The following PPP2R5A variants were observed in gnomAD, a reference collection of about 807,000 sequenced individuals.
PPP2R5A encodes protein phosphatase 2 regulatory subunit B'alpha.
In PPP2R5A, 25 loss-of-function variants were observed where a neutral mutation model predicts 64.2. The ratio of observed to expected loss-of-function variants is 0.39; its 90% CI spans 0.28 to 0.54. The LOEUF (loss-of-function observed/expected upper bound fraction) is 0.54. Among genes scored for constraint, PPP2R5A ranks in the 20% least tolerant of loss-of-function variants. The pLI is 0.67. For missense variants in PPP2R5A, 425 were observed against 576.3 expected, an observed-to-expected ratio of 0.74 and a Z score of 2.69; for synonymous variants, 198 against 201.2, an observed-to-expected ratio of 0.98 and a Z score of 0.13.
At chr1:212,332,405 G>A (rs1311252508) in intron 2 of PPP2R5A, among the ~76,000 whole-genome samples, 1 of 151,990 alleles carries the variant, frequency 6.6e-6, no homozygotes, top group African/African-American at 2.4e-5. Context: ...CTGTCAGTCT[G>A]TTCATTATTC....
At chr1:212,358,606 A>T in intron 11 of PPP2R5A, 80 bp from the exon 12 acceptor site, 1 of 1,029,478 alleles carries the variant, frequency 9.7e-7, no homozygotes, top group South Asian at 1.5e-5. Flanking sequence ...CCAAGCTTTA[A>T]CCCATTTTAG....
chr1:212,288,378 A>G (rs1217119770), intron 1 of PPP2R5A, among the ~76,000 whole-genome samples: 1 of 152,184 alleles, frequency 6.6e-6, no homozygotes, highest in Non-Finnish European at 1.5e-5. Flanking sequence ...AAGTTATATG[A>G]TGTAGGGTTC....
chr1:212,303,750 G>T (rs12128965), intron 1 of PPP2R5A, among the ~76,000 whole-genome samples: 23,440 of 151,896 alleles, frequency 0.15, 2,497 homozygotes, highest in East Asian at 0.36. Flanking sequence ...TCATTATTTT[G>T]TGTGTAGTTA....
At chr1:212,316,613 T>A (rs955258331) in intron 1 of PPP2R5A, among the ~76,000 whole-genome samples, 1 of 138,850 alleles carries the variant, frequency 7.2e-6, no homozygotes, top group African/African-American at 2.9e-5. Flanking sequence ...TTTTTTTTTT[T>A]AATCTGAAAG....
chr1:212,351,049 C>T (rs1191058442), intron 8 of PPP2R5A, among the ~76,000 whole-genome samples: 3 of 147,734 alleles, frequency 2.0e-5, no homozygotes, highest in East Asian at 2.0e-4. Flanking sequence ...GAGGCCGAGG[C>T]ACAAGAATCA....
intron 1 of PPP2R5A, among the ~76,000 whole-genome samples, chr1:212,320,258 G>A (rs1301948288): frequency 6.6e-6 from 1 of 152,114 alleles, no homozygotes; most frequent in African/African-American, 2.4e-5. Flanking sequence ...GCACAGGGTT[G>A]GGGGTAAGGT....
At chr1:212,336,660 A>G (rs944989199) in intron 3 of PPP2R5A, among the ~76,000 whole-genome samples, 8 of 152,352 alleles carry the variant, frequency 5.3e-5, no homozygotes, top group East Asian at 1.9e-4. Context: ...GGATTTGTCA[A>G]TATATTGTAG....
At chr1:212,286,632 C>G (rs73080566) in intron 1 of PPP2R5A, among the ~76,000 whole-genome samples, 13,981 of 152,222 alleles carry the variant, frequency 0.092, 2,109 homozygotes, top group African/African-American at 0.31. Flanking sequence ...TTTGCCCTTT[C>G]CCGGTCTTGC....
chr1:212,338,463 T>C (rs748855392), intron 3 of PPP2R5A, among the ~76,000 whole-genome samples: 32 of 152,102 alleles, frequency 2.1e-4, no homozygotes, highest in Non-Finnish European at 4.3e-4. Flanking sequence ...TAGAAGACCA[T>C]AGAAGGCTGG....
At chr1:212,340,704 G>C (rs1411976844) in intron 3 of PPP2R5A, among the ~76,000 whole-genome samples, 1 of 152,166 alleles carries the variant, frequency 6.6e-6, no homozygotes, top group Non-Finnish European at 1.5e-5. Flanking sequence ...CATTAGACCA[G>C]ATAAGCATCA....
chr1:212,329,131 A>G lies in PPP2R5A; in HGVS notation c.182-4A>G. On this transcript the variant is annotated splice_region_variant and splice_polypyrimidine_tract_variant and intron_variant, in intron 1 of 12. Transcript: ENST00000261461. Reference sequence around the variant, plus strand: ...TCTAAGTTTTTCTTTATTTTTATTTATAGATGCCACTTCAAATGAACAACA... The same window carrying G: ...TCTAAGTTTTTCTTTATTTTTATTTGTAGATGCCACTTCAAATGAACAACA... 1 of 1,489,194 alleles carries G rather than the reference A, an allele frequency of 6.7e-7. No individual in the cohort carries two copies. The highest frequency in any genetic ancestry group is 8.9e-7 in the Non-Finnish European group (1 of 1,117,370). 92.2% of individuals were successfully genotyped at this position (1,489,194 alleles called of 1,614,324 possible).
chr1:212,345,565 C>A (rs1659762994), intron 4 of PPP2R5A, among the ~76,000 whole-genome samples: 2 of 152,040 alleles, frequency 1.3e-5, no homozygotes, highest in African/African-American at 2.4e-5. Flanking sequence ...AAGAAAAATC[C>A]ACTTTTTGAA....
At chr1:212,354,045 C>T (rs1036660435) in intron 8 of PPP2R5A, among the ~76,000 whole-genome samples, 1 of 151,768 alleles carries the variant, frequency 6.6e-6, no homozygotes, top group Non-Finnish European at 1.5e-5. Flanking sequence ...TTAGCTGAGC[C>T]TGGTGGCGGG....
chr1:212,323,726 C>A (rs3121292), intron 1 of PPP2R5A, among the ~76,000 whole-genome samples: 1 of 152,124 alleles, frequency 6.6e-6, no homozygotes, highest in African/African-American at 2.4e-5. Flanking sequence ...ACATTAATTT[C>A]TTTCTAGAGG....
At chr1:212,330,401 A>G (rs1034822407) in intron 2 of PPP2R5A, among the ~76,000 whole-genome samples, 2 of 151,854 alleles carry the variant, frequency 1.3e-5, no homozygotes, top group African/African-American at 4.8e-5. Flanking sequence ...AATATTAGCT[A>G]GGCATGGTGG....
chr1:212,308,105 T>C (rs1158211528), intron 1 of PPP2R5A, among the ~76,000 whole-genome samples: 1 of 152,142 alleles, frequency 6.6e-6, no homozygotes, highest in African/African-American at 2.4e-5. Context: ...CTCCCAAGCC[T>C]TCATTTTTGA....
At chr1:212,306,347 GAGA>G (rs71579041) in intron 1 of PPP2R5A, among the ~76,000 whole-genome samples, 45,142 of 143,956 alleles carry the variant, frequency 0.31, 7,254 homozygotes, top group Non-Finnish European at 0.39. Context: ...GGGAAAAAAG[GAGA>G]AGAATGGAGG....
At chr1:212,308,844 C>A (rs139521598) in intron 1 of PPP2R5A, among the ~76,000 whole-genome samples, 2 of 152,094 alleles carry the variant, frequency 1.3e-5, no homozygotes, top group East Asian at 3.9e-4. Flanking sequence ...CTTTCTAATG[C>A]CAGTTCTCGT....
chr1:212,321,143 G>T (rs1659278512), intron 1 of PPP2R5A, among the ~76,000 whole-genome samples: 1 of 145,000 alleles, frequency 6.9e-6, no homozygotes, highest in Non-Finnish European at 1.5e-5. Context: ...GGGGCGGCCG[G>T]CAGAGGCGCC....
Sources: allele counts gnomAD v4.1 joint callset (sites outside exome capture counted in the v4.1 genomes callset), GRCh38; gene constraint gnomAD v4.1.1; transcripts MANE v1.5; gene names NCBI Gene and HGNC (gene_info 2026-07-23, HGNC 2026-07-21).